STPG2: variants seen among roughly 807,000 people sequenced by gnomAD.
STPG2 encodes sperm tail PG-rich repeat containing 2.
A neutral mutation model predicts 54.2 loss-of-function variants in STPG2; 56 were observed. The ratio of observed to expected loss-of-function variants is 1.03; its 90% CI spans 0.83 to 1.29. The LOEUF is 1.29. Among genes scored for constraint, STPG2 ranks in the 50% most tolerant of loss-of-function variants. The pLI is 0.00. For missense variants in STPG2, 596 were observed against 544.9 expected (o/e 1.09, Z -0.93); for synonymous variants, 200 against 181.8 (o/e 1.10, Z -0.81).
At position 97,833,660 on chromosome 4, in the gene STPG2, TA is replaced by T. The variant is rs199785075; in HGVS notation, c.1204+7112del. 5.3e-3 allele frequency among the ~76,000 whole-genome samples: 789 copies of T among 149,504 alleles called. 5 individuals carry two copies. The highest frequency in any genetic ancestry group is 8.3e-3 in the Non-Finnish European group (560 of 67,134). ...ACAAATAACTTAAACAAATTTACAA[TA>T]AAAAAAAATAACCCCATCAAAAAGT... is the stretch of plus-strand genomic sequence containing the variant. On this transcript the variant is annotated intron_variant, in intron 9 of 10. Coordinates refer to ENST00000295268, the MANE Select transcript of STPG2 (RefSeq NM_174952.3).
intron 9 of STPG2, among the ~76,000 whole-genome samples, chr4:97,728,408 T>C (rs1434695806): frequency 1.3e-5 from 2 of 152,108 alleles, no homozygotes; most frequent in Non-Finnish European, 2.9e-5. Context: ...ACTAGTATTT[T>C]TAAAATTTCC....
At chr4:97,503,678 A>G (rs1225124073) in intron 4 of STPG2, among the ~76,000 whole-genome samples, 2 of 151,156 alleles carry the variant, frequency 1.3e-5, no homozygotes, top group African/African-American at 4.8e-5. Context: ...GTTTAAATAT[A>G]CATTAAGTAG....
chr4:97,988,026 TCACACACA>T (rs3047311), intron 5 of STPG2, among the ~76,000 whole-genome samples: 23 of 141,708 alleles, frequency 1.6e-4, no homozygotes, highest in African/African-American at 2.1e-4. Context: ...GGTCTGAATG[TCACACACA>T]CACACACACA....
At chr4:97,833,871 G>A (rs1472915330) in intron 9 of STPG2, among the ~76,000 whole-genome samples, 1 of 152,172 alleles carries the variant, frequency 6.6e-6, no homozygotes, top group Non-Finnish European at 1.5e-5. Flanking sequence ...ACAGATGTTG[G>A]AGAGGATGTG....
At chr4:97,924,659 A>C (rs1578696648) in intron 8 of STPG2, among the ~76,000 whole-genome samples, 2 of 152,218 alleles carry the variant, frequency 1.3e-5, no homozygotes, top group Non-Finnish European at 2.9e-5. Context: ...TGTTCATCTT[A>C]AGATGATTAG....
chr4:97,563,265 A>G (rs887474549), intron 10 of STPG2, among the ~76,000 whole-genome samples: 15 of 151,960 alleles, frequency 9.9e-5, no homozygotes, highest in Non-Finnish European at 2.1e-4. Context: ...GGTAGTTTGT[A>G]TTTCTGTGGG....
intron 10 of STPG2, among the ~76,000 whole-genome samples, chr4:97,698,691 G>A (rs924087350): frequency 6.6e-6 from 1 of 152,092 alleles, no homozygotes; most frequent in African/African-American, 2.4e-5. Flanking sequence ...GCCATATATT[G>A]GAGGCTGATT....
intron 10 of STPG2, among the ~76,000 whole-genome samples, chr4:97,661,258 G>T (rs1468039621): frequency 6.6e-6 from 1 of 152,026 alleles, no homozygotes; most frequent in Non-Finnish European, 1.5e-5. Context: ...CACAAAAATG[G>T]GCTTTGAACT....
chr4:98,105,396 T>C (rs1739160903), intron 5 of STPG2, among the ~76,000 whole-genome samples: 1 of 152,166 alleles, frequency 6.6e-6, no homozygotes, highest in Non-Finnish European at 1.5e-5. Context: ...ACTTGTGTCC[T>C]TGATTCCTCA....
chr4:97,843,086 A>G (rs995908146), intron 8 of STPG2, among the ~76,000 whole-genome samples: 3 of 151,892 alleles, frequency 2.0e-5, no homozygotes, highest in Non-Finnish European at 4.4e-5. Flanking sequence ...GAGATCATCA[A>G]ATTTGTTGGC....
intron 5 of STPG2, among the ~76,000 whole-genome samples, chr4:98,095,667 T>C (rs1738836375): frequency 6.6e-6 from 1 of 152,128 alleles, no homozygotes; most frequent in African/African-American, 2.4e-5. Flanking sequence ...CACAGATATA[T>C]AAAGCAAATA....
chr4:97,721,246 A>C (rs1724439312), intron 9 of STPG2, among the ~76,000 whole-genome samples: 1 of 152,082 alleles, frequency 6.6e-6, no homozygotes, highest in African/African-American at 2.4e-5. Flanking sequence ...TTGAAAGCTG[A>C]AGTCATTATT....
At chr4:97,568,820 A>C (rs1433949870) in intron 10 of STPG2, among the ~76,000 whole-genome samples, 1 of 152,116 alleles carries the variant, frequency 6.6e-6, no homozygotes, top group African/African-American at 2.4e-5. Context: ...AGATCCTAGC[A>C]GTTGTTTGAA....
Position 97,970,679 on chromosome 4 carries a change from A to C in STPG2, c.933+1601T>G, listed in dbSNP as rs552540023. 4.2e-3 allele frequency among the ~76,000 whole-genome samples: 642 copies of C among 152,364 alleles called. 3 individuals carry two copies. Among genetic ancestry groups the C allele is most frequent in the South Asian group, 0.024 (117 of 4,830 alleles). On this transcript the variant is annotated intron_variant, in intron 7 of 10. Transcript: ENST00000295268. Reference sequence around the variant, plus strand: ...TTAATTCAAGATGGATTAAAGGCTTAAATGTTAGACCTAAAACCATAAAAT... The same window carrying C: ...TTAATTCAAGATGGATTAAAGGCTTCAATGTTAGACCTAAAACCATAAAAT...
intron 5 of STPG2, among the ~76,000 whole-genome samples, chr4:98,046,399 C>T (rs1392051675): frequency 1.3e-5 from 2 of 152,140 alleles, no homozygotes; most frequent in African/African-American, 4.8e-5. Flanking sequence ...TCTTCCTTGA[C>T]TCTCTTTATT....
intron 3 of STPG2, among the ~76,000 whole-genome samples, chr4:98,122,057 G>A (rs1313640933): frequency 6.6e-6 from 1 of 151,826 alleles, no homozygotes; most frequent in African/African-American, 2.4e-5. Flanking sequence ...TTTGCATCCT[G>A]AGATTTTGCT....
chr4:97,742,543 G>GTATATATA (rs1560510865), intron 9 of STPG2, among the ~76,000 whole-genome samples: 14 of 142,334 alleles, frequency 9.8e-5, no homozygotes, highest in African/African-American at 3.4e-4. Context: ...GTGTGTGTGT[G>GTATATATA]TGTGTGTGTG....
intron 4 of STPG2, among the ~76,000 whole-genome samples, chr4:97,541,504 A>C (rs1005423027): frequency 6.6e-6 from 1 of 152,236 alleles, no homozygotes; most frequent in Non-Finnish European, 1.5e-5. Flanking sequence ...TTCCATGCTC[A>C]TGGATAGGAA....
At chr4:97,926,820 G>A (rs73832110) in intron 8 of STPG2, among the ~76,000 whole-genome samples, 2,566 of 152,088 alleles carry the variant, frequency 0.017, 84 homozygotes, top group African/African-American at 0.059. Context: ...GATGAAAAGA[G>A]ACCACAGGCA....
Sources: allele counts gnomAD v4.1 joint callset (sites outside exome capture counted in the v4.1 genomes callset), GRCh38; gene constraint gnomAD v4.1.1; transcripts MANE v1.5; gene names NCBI Gene and HGNC (gene_info 2026-07-23, HGNC 2026-07-21).